Variants in AUTS2 observed in about 807,000 individuals in gnomAD.
AUTS2 encodes autism susceptibility gene 2 protein.
Under a neutral mutation model 112.4 loss-of-function variants are expected in AUTS2, and 17 were observed. The observed-to-expected ratio is 0.15, with a 90% CI of 0.10 to 0.23. AUTS2 has a LOEUF of 0.23. Among genes scored for constraint, AUTS2 ranks in the 10% least tolerant of loss-of-function variants. The pLI, the probability that AUTS2 is intolerant of heterozygous loss-of-function variation, is 1.00. For synonymous variants in AUTS2, 751 were observed against 702.7 expected, an observed-to-expected ratio of 1.07 and a Z score of -1.09; for missense variants, 1,510 against 1,701.6, an observed-to-expected ratio of 0.89 and a Z score of 1.98.
At chr7:69,845,054 A>T (rs1274292112) in intron 1 of AUTS2, among the ~76,000 whole-genome samples, 1 of 152,188 alleles carries the variant, frequency 6.6e-6, no homozygotes, top group Non-Finnish European at 1.5e-5. Context: ...CCCAGGGTTT[A>T]TTCAGAGGCT....
rs1275846609 is a variant in AUTS2 at position 70,608,979 on chromosome 7, T to C, written c.691-89590T>C. ...TTAATTGATGTATAAAAATGGCATA[T>C]GTTTATTGTGTACAACATGATGTTC... On this transcript the variant is annotated intron_variant, in intron 5 of 18. Coordinates refer to ENST00000342771, the MANE Select transcript of AUTS2 (RefSeq NM_015570.4). 2.6e-5 allele frequency among the ~76,000 whole-genome samples: 4 copies of C among 152,368 alleles called. No homozygotes were observed. In the South Asian group the frequency reaches 8.3e-4, roughly 32 times the overall value.
intron 6 of AUTS2, among the ~76,000 whole-genome samples, chr7:70,751,430 T>G (rs1272022107): frequency 6.6e-6 from 1 of 152,234 alleles, no homozygotes; most frequent in Non-Finnish European, 1.5e-5. Flanking sequence ...ATCTTTTTAA[T>G]TTTTTTACAC....
At chr7:70,765,109 A>G (rs1035401310) in intron 8 of AUTS2, 104 bp downstream of exon 8, 6 of 1,451,882 alleles carry the variant, frequency 4.1e-6, no homozygotes, top group Admixed American at 4.4e-5. Flanking sequence ...TTTGCCTACA[A>G]TTTTTTCCTT....
chr7:70,071,102 T>A (rs546915353), intron 2 of AUTS2, among the ~76,000 whole-genome samples: 1 of 152,160 alleles, frequency 6.6e-6, no homozygotes, highest in Non-Finnish European at 1.5e-5. Context: ...TATAATAAAT[T>A]CACTGTTTTG....
At chr7:70,091,827 C>T (rs1803936166) in intron 2 of AUTS2, among the ~76,000 whole-genome samples, 2 of 152,012 alleles carry the variant, frequency 1.3e-5, no homozygotes, top group South Asian at 4.2e-4. Context: ...GGATTTATAC[C>T]CAACATGTAG....
In AUTS2 at chr7:70,609,409, TTC is replaced by T. The variant is rs1491054533; in HGVS notation, c.691-89159_691-89158del. The stretch of plus-strand genomic sequence containing the variant: ...AGGATTGTCTTTTTTTTTTTTTTTT[TTC>T]CGAGACAGAGTCTCACTCTGTCTCC... On this transcript the variant is annotated intron_variant, in intron 5 of 18. Transcript: ENST00000342771. Among the ~76,000 whole-genome samples, 1,018 of 138,752 alleles carry T rather than the reference TTC, an allele frequency of 7.3e-3. 28 individuals carry two copies. The highest frequency in any genetic ancestry group is 0.044 in the East Asian group (213 of 4,816). 91.0% of individuals were successfully genotyped at this position (138,752 alleles called of 152,430 possible).
intron 1 of AUTS2, among the ~76,000 whole-genome samples, chr7:69,809,783 A>G (rs1790466562): frequency 6.6e-6 from 1 of 152,184 alleles, no homozygotes; most frequent in Admixed American, 6.5e-5. Context: ...TTCTGCTTGT[A>G]ACCAATCAAT....
intron 6 of AUTS2, among the ~76,000 whole-genome samples, chr7:70,746,792 C>T (rs1302729742): frequency 6.6e-6 from 1 of 152,142 alleles, no homozygotes; most frequent in Non-Finnish European, 1.5e-5. Flanking sequence ...AGCTTTAAAC[C>T]AGCTTTTGTG....
At chr7:70,044,447 C>A (rs578222489) in intron 2 of AUTS2, among the ~76,000 whole-genome samples, 1 of 151,988 alleles carries the variant, frequency 6.6e-6, no homozygotes, top group Non-Finnish European at 1.5e-5. Flanking sequence ...TTTGGGATGG[C>A]CTGGGGATGG....
intron 5 of AUTS2, among the ~76,000 whole-genome samples, chr7:70,510,420 G>A (rs969615910): frequency 6.6e-6 from 1 of 152,220 alleles, no homozygotes; most frequent in African/African-American, 2.4e-5. Flanking sequence ...GTTCCTAGGA[G>A]GAGTGGGGAA....
chr7:69,965,891 G>A (rs190775608), intron 2 of AUTS2, among the ~76,000 whole-genome samples: 4 of 152,268 alleles, frequency 2.6e-5, no homozygotes, highest in East Asian at 3.9e-4. Context: ...CTATGCACTT[G>A]TATAGCTGCT....
At chr7:70,515,209 C>T (rs1250075864) in intron 5 of AUTS2, among the ~76,000 whole-genome samples, 1 of 152,142 alleles carries the variant, frequency 6.6e-6, no homozygotes, top group Non-Finnish European at 1.5e-5. Flanking sequence ...TGAGGAATAA[C>T]ATGATCAGAT....
At chr7:70,479,674 C>T (rs191610975) in intron 5 of AUTS2, among the ~76,000 whole-genome samples, 84 of 152,086 alleles carry the variant, frequency 5.5e-4, no homozygotes, top group African/African-American at 2.0e-3. Context: ...GAGATTTGGT[C>T]GAGGACATTG....
chr7:70,583,735 G>A (rs1413253703), intron 5 of AUTS2, among the ~76,000 whole-genome samples: 2 of 152,206 alleles, frequency 1.3e-5, no homozygotes, highest in Non-Finnish European at 2.9e-5. Context: ...GGCCTCTGCC[G>A]AGCAACTCTG....
chr7:70,769,798 A>AAGAT (rs1189157023), intron 10 of AUTS2, among the ~76,000 whole-genome samples: 2 of 152,166 alleles, frequency 1.3e-5, no homozygotes, highest in African/African-American at 4.8e-5. Flanking sequence ...TCCTAGGCCA[A>AAGAT]AGATGGAGAA....
At chr7:70,350,636 G>A (rs1435189044) in intron 4 of AUTS2, among the ~76,000 whole-genome samples, 1 of 152,128 alleles carries the variant, frequency 6.6e-6, no homozygotes, top group East Asian at 1.9e-4. Context: ...ACACATGGGA[G>A]CTACAATTCA....
intron 5 of AUTS2, among the ~76,000 whole-genome samples, chr7:70,454,275 C>T (rs1331042003): frequency 6.6e-6 from 1 of 152,178 alleles, no homozygotes; most frequent in Non-Finnish European, 1.5e-5. Context: ...TGTCTCACGC[C>T]TGTAATCCCA....
chr7:70,689,961 T>A (rs6944070), intron 5 of AUTS2, among the ~76,000 whole-genome samples: 4,228 of 152,270 alleles, frequency 0.028, 218 homozygotes, highest in African/African-American at 0.095. Flanking sequence ...TAAAATAGAC[T>A]TTTATTTTGT....
chr7:70,693,943 C>A (rs1157313307), intron 5 of AUTS2: 3 of 152,046 alleles, frequency 2.0e-5, no homozygotes, highest in South Asian at 4.1e-4. Flanking sequence ...CGACCCGGCG[C>A]CGGGGACGAG....
Sources: gnomAD v4.1 joint callset for allele counts (sites outside exome capture counted in the v4.1 genomes callset) on GRCh38, gnomAD v4.1.1 for gene constraint, MANE v1.5 for transcripts, NCBI Gene and HGNC (gene_info 2026-07-23, HGNC 2026-07-21) for gene names.